ADAMTS19: variants seen among roughly 807,000 people sequenced by gnomAD.
ADAMTS19 encodes the protein A disintegrin and metalloproteinase with thrombospondin motifs 19.
A neutral mutation model predicts 153.3 loss-of-function variants in ADAMTS19; 93 were observed. The observed-to-expected ratio is 0.61, with a 90% confidence interval of 0.51 to 0.72. The LOEUF (loss-of-function observed/expected upper bound fraction) is 0.72. ADAMTS19 is among the 30% of genes least tolerant of loss of function. ADAMTS19 has a pLI of 0.00. For synonymous variants in ADAMTS19, 600 were observed against 556.6 expected, an observed-to-expected ratio of 1.08 and a Z score of -1.10; for missense variants, 1,482 against 1,552.1, an observed-to-expected ratio of 0.95 and a Z score of 0.76.
chr5:129,535,783 A>T (rs1248375711), intron 6 of ADAMTS19, among the ~76,000 whole-genome samples: 1 of 152,188 alleles, frequency 6.6e-6, no homozygotes, highest in Non-Finnish European at 1.5e-5. Flanking sequence ...ATGATCTTTG[A>T]CAAACCTGAC....
rs1008341815 is a variant in ADAMTS19 at position 129,490,200 on chromosome 5, C to A, written c.748-18877C>A. 5.9e-5 allele frequency among the ~76,000 whole-genome samples: 9 copies of A among 152,250 alleles called. 1 individual carries two copies. The South Asian group carries it at 1.9e-3, about 32-fold the overall frequency. ...TCACTACAGTTCTCCTCCCAAAATT[C>A]TTTTCAAATTTTAAGTGCTGAAAAG... is the stretch of plus-strand genomic sequence containing the variant. On this transcript the variant is annotated intron_variant, in intron 2 of 22. Transcript: ENST00000274487.
intron 7 of ADAMTS19, among the ~76,000 whole-genome samples, chr5:129,577,847 A>T (rs1749227604): frequency 6.6e-6 from 1 of 151,884 alleles, no homozygotes; most frequent in Non-Finnish European, 1.5e-5. Context: ...TGATGCTGGT[A>T]ATTTGTATTT....
At chr5:129,570,530 G>A (rs1753861611) in intron 7 of ADAMTS19, among the ~76,000 whole-genome samples, 2 of 151,118 alleles carry the variant, frequency 1.3e-5, no homozygotes, top group Non-Finnish European at 3.0e-5. Context: ...AATTAAAGAA[G>A]AAATAATACA....
At chr5:129,725,609 A>G (rs116633689) in intron 21 of ADAMTS19, among the ~76,000 whole-genome samples, 5,834 of 152,100 alleles carry the variant, frequency 0.038, 349 homozygotes, top group African/African-American at 0.13. Context: ...TGCCTTCCCC[A>G]GGGGCTGGTT....
chr5:129,596,505 T>A, intron 7 of ADAMTS19, 54 bp from the exon 8 acceptor site: 1 of 1,218,144 alleles, frequency 8.2e-7, no homozygotes, highest in Non-Finnish European at 1.2e-6. Flanking sequence ...ATAACTAGTA[T>A]AAATATTTGC....
chr5:129,585,796 T>C (rs919493129), intron 7 of ADAMTS19, among the ~76,000 whole-genome samples: 1 of 152,232 alleles, frequency 6.6e-6, no homozygotes. Flanking sequence ...TATAAAACTT[T>C]AAACATGCCA....
At chr5:129,716,632 A>C (rs937942140) in intron 21 of ADAMTS19, among the ~76,000 whole-genome samples, 2 of 151,058 alleles carry the variant, frequency 1.3e-5, no homozygotes, top group Admixed American at 1.3e-4. Context: ...CCAGGCTAGA[A>C]GCTATCCTTG....
chr5:129,670,170 G>T (rs2127093520), intron 16 of ADAMTS19, among the ~76,000 whole-genome samples: 1 of 152,066 alleles, frequency 6.6e-6, no homozygotes, highest in East Asian at 1.9e-4. Context: ...GTATTACATT[G>T]TCCTGCTTTA....
At chr5:129,598,298 A>G (rs1432323091) in intron 8 of ADAMTS19, among the ~76,000 whole-genome samples, 1 of 152,164 alleles carries the variant, frequency 6.6e-6, no homozygotes, top group Non-Finnish European at 1.5e-5. Context: ...GCAACACCCT[A>G]GTATATGGTA....
chr5:129,544,171 T>C (rs904195583), intron 6 of ADAMTS19, among the ~76,000 whole-genome samples: 15 of 152,220 alleles, frequency 9.9e-5, no homozygotes, highest in African/African-American at 3.4e-4. Flanking sequence ...CAAATATTTT[T>C]TTCTATCTCC....
intron 8 of ADAMTS19, among the ~76,000 whole-genome samples, chr5:129,609,940 C>T (rs1204407039): frequency 6.6e-6 from 1 of 152,124 alleles, no homozygotes; most frequent in Admixed American, 6.6e-5. Context: ...AGTTTCACAT[C>T]TCTAATTGTA....
chr5:129,655,637 C>T (rs1266603593), intron 14 of ADAMTS19, among the ~76,000 whole-genome samples: 1 of 152,048 alleles, frequency 6.6e-6, no homozygotes, highest in African/African-American at 2.4e-5. Context: ...CAACTGAACA[C>T]ACACATACAC....
chr5:129,532,315 C>A (rs1438451013), intron 6 of ADAMTS19, among the ~76,000 whole-genome samples: 1 of 152,050 alleles, frequency 6.6e-6, no homozygotes, highest in Non-Finnish European at 1.5e-5. Flanking sequence ...AACATGTTAA[C>A]CTTTTAAAAA....
At chr5:129,711,231 A>C (rs1206316360) in intron 21 of ADAMTS19, among the ~76,000 whole-genome samples, 2 of 152,238 alleles carry the variant, frequency 1.3e-5, no homozygotes, top group African/African-American at 4.8e-5. Flanking sequence ...GTAGAATGTA[A>C]AAATAGAAAA....
At chr5:129,626,737 A>G (rs193295403) in intron 10 of ADAMTS19, among the ~76,000 whole-genome samples, 12 of 152,284 alleles carry the variant, frequency 7.9e-5, no homozygotes, top group Admixed American at 2.6e-4. Flanking sequence ...ATGAAGCACA[A>G]ATAATACAGC....
chr5:129,606,275 G>A (rs949742297), intron 8 of ADAMTS19, among the ~76,000 whole-genome samples: 1 of 152,050 alleles, frequency 6.6e-6, no homozygotes, highest in African/African-American at 2.4e-5. Flanking sequence ...AGAATAGAGG[G>A]GAGGGCCAGG....
At chr5:129,483,771 T>C (rs1750498443) in intron 2 of ADAMTS19, among the ~76,000 whole-genome samples, 3 of 152,138 alleles carry the variant, frequency 2.0e-5, no homozygotes, top group Admixed American at 2.0e-4. Context: ...TTGCTAGGCT[T>C]TTAGGTTTGT....
chr5:129,609,853 C>G (rs745677747), intron 8 of ADAMTS19, among the ~76,000 whole-genome samples: 20 of 152,208 alleles, frequency 1.3e-4, no homozygotes, highest in Middle Eastern at 3.4e-3. Context: ...TAGAGTAAAG[C>G]AGGCAATCTT....
intron 10 of ADAMTS19, among the ~76,000 whole-genome samples, chr5:129,632,870 T>C (rs1752361889): frequency 6.6e-6 from 1 of 152,104 alleles, no homozygotes; most frequent in Non-Finnish European, 1.5e-5. Context: ...CTACATATAA[T>C]TTACTGCATA....
Sources: allele counts gnomAD v4.1 joint callset (sites outside exome capture counted in the v4.1 genomes callset), GRCh38; gene constraint gnomAD v4.1.1; transcripts MANE v1.5; gene names NCBI Gene and HGNC (gene_info 2026-07-23, HGNC 2026-07-21).